STPG2: variants seen among roughly 807,000 people sequenced by gnomAD.
STPG2 encodes sperm tail PG-rich repeat containing 2.
In STPG2, 56 loss-of-function variants were observed where a neutral mutation model predicts 54.2. The observed-to-expected ratio is 1.03, with a 90% CI of 0.83 to 1.29. The LOEUF (loss-of-function observed/expected upper bound fraction) is 1.29, where lower values mean the gene tolerates loss of function less well. Ranked by LOEUF, STPG2 falls within the 50% of genes most tolerant of loss-of-function variation. STPG2 has a pLI of 0.00. For missense variants in STPG2, 596 were observed against 544.9 expected (o/e 1.09, Z -0.93); for synonymous variants, 200 against 181.8 (o/e 1.10, Z -0.81).
At chr4:98,112,172 A>T (rs1388875368) in intron 3 of STPG2, among the ~76,000 whole-genome samples, 28 of 152,156 alleles carry the variant, frequency 1.8e-4, no homozygotes, top group Admixed American at 1.8e-3. Context: ...TCAATGATGG[A>T]CTGCATATAT....
intron 10 of STPG2, among the ~76,000 whole-genome samples, chr4:97,709,044 A>G (rs1347023154): frequency 6.6e-6 from 1 of 151,758 alleles, no homozygotes; most frequent in East Asian, 1.9e-4. Flanking sequence ...TTTCATATTC[A>G]TGGGATGTTT....
chr4:97,737,162 A>C (rs1725032666), intron 9 of STPG2, among the ~76,000 whole-genome samples: 1 of 152,196 alleles, frequency 6.6e-6, no homozygotes, highest in African/African-American at 2.4e-5. Flanking sequence ...TGTCTGTTAG[A>C]AGGAAAACTA....
At chr4:97,942,345 G>T (rs1348038792) in intron 8 of STPG2, among the ~76,000 whole-genome samples, 1 of 151,772 alleles carries the variant, frequency 6.6e-6, no homozygotes, top group Non-Finnish European at 1.5e-5. Flanking sequence ...TGGATCCTGA[G>T]GTGTGTACAA....
At chr4:97,638,269 A>G (rs1290744345) in intron 10 of STPG2, among the ~76,000 whole-genome samples, 5 of 151,912 alleles carry the variant, frequency 3.3e-5, no homozygotes, top group South Asian at 2.1e-4. Flanking sequence ...AATAAATGGT[A>G]CTGGGAAAAC....
intron 1 of STPG2, among the ~76,000 whole-genome samples, chr4:98,138,027 A>G (rs1170080768): frequency 6.6e-6 from 1 of 152,052 alleles, no homozygotes; most frequent in Non-Finnish European, 1.5e-5. Context: ...TAATGTTTAC[A>G]GTGAGGGTGA....
At chr4:97,871,928 A>T (rs1261178009) in intron 8 of STPG2, among the ~76,000 whole-genome samples, 1 of 151,158 alleles carries the variant, frequency 6.6e-6, no homozygotes, top group Non-Finnish European at 1.5e-5. Flanking sequence ...ATACAACATT[A>T]AGAAAATAAT....
At chr4:97,484,056 T>C (rs1730292941) in intron 4 of STPG2, among the ~76,000 whole-genome samples, 1 of 151,630 alleles carries the variant, frequency 6.6e-6, no homozygotes, top group South Asian at 2.1e-4. Flanking sequence ...TATCAAAACC[T>C]CTGGGATACA....
intron 8 of STPG2, among the ~76,000 whole-genome samples, chr4:97,905,895 A>G (rs1015868375): frequency 1.3e-5 from 2 of 152,194 alleles, no homozygotes; most frequent in African/African-American, 4.8e-5. Context: ...ATAGAACTAA[A>G]TGCCCACAAG....
chr4:97,698,219 T>C (rs578053326), intron 10 of STPG2, among the ~76,000 whole-genome samples: 35 of 152,308 alleles, frequency 2.3e-4, no homozygotes, highest in Middle Eastern at 3.4e-3. Flanking sequence ...CTGGGCCATT[T>C]GTATTTCTGC....
At chr4:97,702,846 C>T (rs1723817188) in intron 10 of STPG2, among the ~76,000 whole-genome samples, 2 of 152,106 alleles carry the variant, frequency 1.3e-5, no homozygotes, top group African/African-American at 2.4e-5. Flanking sequence ...TGTGCCTGCA[C>T]CTTTCGTTGC....
intron 8 of STPG2, among the ~76,000 whole-genome samples, chr4:97,844,789 C>A (rs1441603725): frequency 1.3e-5 from 2 of 151,942 alleles, no homozygotes; most frequent in Admixed American, 1.3e-4. Flanking sequence ...ACCTCTCCTT[C>A]TGGGTCTTTT....
chr4:97,923,557 A>G (rs937152266), intron 8 of STPG2, among the ~76,000 whole-genome samples: 2 of 152,214 alleles, frequency 1.3e-5, no homozygotes, highest in East Asian at 3.9e-4. Flanking sequence ...GGCACTCTGT[A>G]TCTAGCTCAA....
At chr4:97,693,204 C>T (rs1470972506) in intron 10 of STPG2, among the ~76,000 whole-genome samples, 1 of 150,598 alleles carries the variant, frequency 6.6e-6, no homozygotes, top group African/African-American at 2.4e-5. Context: ...CCTCACATGT[C>T]AATACTAACA....
intron 10 of STPG2, among the ~76,000 whole-genome samples, chr4:97,708,225 T>A (rs1427704997): frequency 6.6e-6 from 1 of 152,058 alleles, no homozygotes; most frequent in Non-Finnish European, 1.5e-5. Context: ...CCACTTTTCA[T>A]AATCAAATGG....
intron 4 of STPG2, among the ~76,000 whole-genome samples, chr4:97,487,317 C>T (rs1730392083): frequency 6.6e-6 from 1 of 151,182 alleles, no homozygotes; most frequent in South Asian, 2.1e-4. Flanking sequence ...TAAGGAGTCA[C>T]AGAAAGGAAA....
intron 10 of STPG2, among the ~76,000 whole-genome samples, chr4:97,703,408 AT>A (rs1194690683): frequency 3.5e-5 from 5 of 144,068 alleles, no homozygotes; most frequent in African/African-American, 1.3e-4. Flanking sequence ...TATATATCCT[AT>A]TATATATATA....
intron 5 of STPG2, among the ~76,000 whole-genome samples, chr4:98,098,828 C>T (rs1428161021): frequency 6.6e-6 from 1 of 151,960 alleles, no homozygotes; most frequent in Non-Finnish European, 1.5e-5. Flanking sequence ...ATAGATAGCT[C>T]CCAAAAGAAG....
At chr4:97,701,878 C>A (rs899433138) in intron 10 of STPG2, among the ~76,000 whole-genome samples, 1 of 152,168 alleles carries the variant, frequency 6.6e-6, no homozygotes, top group Non-Finnish European at 1.5e-5. Flanking sequence ...TTGGCCCCTG[C>A]CACCTTGGGA....
intron 4 of STPG2, among the ~76,000 whole-genome samples, chr4:97,498,562 G>T (rs1352947826): frequency 6.6e-6 from 1 of 151,374 alleles, no homozygotes; most frequent in Non-Finnish European, 1.5e-5. Flanking sequence ...TTAGGCAAAT[G>T]TTACTTAGAA....
Sources: gnomAD v4.1 joint callset for allele counts (sites outside exome capture counted in the v4.1 genomes callset) on GRCh38, gnomAD v4.1.1 for gene constraint, MANE v1.5 for transcripts, NCBI Gene and HGNC (gene_info 2026-07-23, HGNC 2026-07-21) for gene names.